CLDN10: variants seen among roughly 807,000 people sequenced by gnomAD.
The protein encoded by CLDN10 is claudin 10, also known as claudin-10.
A neutral mutation model predicts 22.9 loss-of-function variants in CLDN10; 15 were observed. That is an observed-to-expected ratio of 0.65 (90% CI 0.44 to 1.01). CLDN10 has a LOEUF of 1.01. Among genes scored for constraint, CLDN10 ranks in the 50% least tolerant of loss-of-function variants. CLDN10 has a pLI of 0.00. For synonymous variants in CLDN10, 114 were observed against 111.4 expected (o/e 1.02, Z -0.15); for missense variants, 247 against 287.8 (o/e 0.86, Z 1.03).
chr13:95,566,165 G>A (rs1180997843), intron 3 of CLDN10, among the ~76,000 whole-genome samples: 1 of 152,202 alleles, frequency 6.6e-6, no homozygotes, highest in African/African-American at 2.4e-5. Context: ...TCAGTCAAAT[G>A]CTATTTCTAG....
chr13:95,511,096 T>G (rs4771918), intron 1 of CLDN10, among the ~76,000 whole-genome samples: 67,125 of 152,066 alleles, frequency 0.44, 15,994 homozygotes, highest in East Asian at 0.6. Flanking sequence ...AGGGATCATT[T>G]TTTAAAGCTC....
intron 1 of CLDN10, among the ~76,000 whole-genome samples, chr13:95,541,209 GC>G (rs2043456909): frequency 1.3e-5 from 2 of 152,248 alleles, no homozygotes; most frequent in Admixed American, 6.5e-5. Flanking sequence ...GAACTCGTCT[GC>G]CTTTCCTTTC....
chr13:95,443,290 G>A (rs942264815), intron 1 of CLDN10, among the ~76,000 whole-genome samples: 6 of 152,312 alleles, frequency 3.9e-5, no homozygotes, highest in Admixed American at 1.3e-4. Flanking sequence ...TGATAATGAT[G>A]TTGTTGACAA....
At chr13:95,461,166 G>A (rs931761137) in intron 1 of CLDN10, among the ~76,000 whole-genome samples, 23 of 151,486 alleles carry the variant, frequency 1.5e-4, no homozygotes, top group East Asian at 9.8e-4. Flanking sequence ...TGCCCAGGCC[G>A]GTCTCAAACT....
chr13:95,500,399 G>C (rs1351162923), intron 1 of CLDN10, among the ~76,000 whole-genome samples: 2 of 152,204 alleles, frequency 1.3e-5, no homozygotes, highest in African/African-American at 4.8e-5. Context: ...ATCCAGGAAG[G>C]AGAGTGCGCC....
At chr13:95,464,737 T>C in intron 1 of CLDN10, among the ~76,000 whole-genome samples, 1 of 128,622 alleles carries the variant, frequency 7.8e-6, no homozygotes, top group East Asian at 2.4e-4. Context: ...ACTGTGTTTT[T>C]GCTTTTTTTT....
At chr13:95,550,745 A>C (rs886959830), upstream of CLDN10, among the ~76,000 whole-genome samples, 57 of 150,358 alleles carry the variant, frequency 3.8e-4, no homozygotes, top group South Asian at 6.4e-4. Context: ...AGAATAGAGG[A>C]TGCTTTGTAG....
In CLDN10 at chr13:95,574,074, TA is replaced by T. The variant is rs573234306; in HGVS notation, c.465-3156del. On this transcript the variant is annotated intron_variant, in intron 3 of 4. Transcript: ENST00000299339. ...TTCATACTTTTTTATGGCTGTATAG[TA>T]TTCCATGGTGTATATGTGCCACATT... 1.9e-3 allele frequency among the ~76,000 whole-genome samples: 282 copies of T among 152,344 alleles called. 1 individual carries two copies. Among genetic ancestry groups the T allele is most frequent in the Admixed American group, 2.7e-3 (41 of 15,304 alleles).
chr13:95,471,952 T>A (rs996206582), intron 1 of CLDN10, among the ~76,000 whole-genome samples: 3 of 116,334 alleles, frequency 2.6e-5, no homozygotes, highest in African/African-American at 9.1e-5. Flanking sequence ...TTTTTTTTTT[T>A]TTTTTTTTTT....
At chr13:95,502,965 G>A (rs2043001825) in intron 1 of CLDN10, among the ~76,000 whole-genome samples, 1 of 152,206 alleles carries the variant, frequency 6.6e-6, no homozygotes, top group Admixed American at 6.5e-5. Flanking sequence ...GAAAGGGATA[G>A]GAGTAAAACT....
At chr13:95,552,483 A>T (rs2043576684), upstream of CLDN10, among the ~76,000 whole-genome samples, 1 of 152,072 alleles carries the variant, frequency 6.6e-6, no homozygotes, top group Admixed American at 6.5e-5. Context: ...GGCTCAGGGG[A>T]GCGCAGGCCG....
chr13:95,455,901 C>T (rs954829862), intron 1 of CLDN10, among the ~76,000 whole-genome samples: 3 of 152,212 alleles, frequency 2.0e-5, no homozygotes, highest in African/African-American at 4.8e-5. Flanking sequence ...GTCACACTCC[C>T]TTACCAACCT....
chr13:95,551,830 G>A (rs1412009031), upstream of CLDN10, among the ~76,000 whole-genome samples: 1 of 152,156 alleles, frequency 6.6e-6, no homozygotes, highest in Admixed American at 6.5e-5. Flanking sequence ...AGCAATGAAG[G>A]GATGAAGGAA....
chr13:95,434,180 A>G (rs771399998), intron 1 of CLDN10: 41 of 739,580 alleles, frequency 5.5e-5, no homozygotes, highest in Middle Eastern at 2.4e-4. Context: ...AGATTTGCCT[A>G]GGAAGGATGG....
chr13:95,554,366 A>T (rs940112408), intron 1 of CLDN10, among the ~76,000 whole-genome samples: 1 of 152,076 alleles, frequency 6.6e-6, no homozygotes, highest in African/African-American at 2.4e-5. Flanking sequence ...CCAGATAGGT[A>T]CGCTTCCTTC....
At chr13:95,444,957 G>A (rs757821201) in intron 1 of CLDN10, among the ~76,000 whole-genome samples, 2 of 152,170 alleles carry the variant, frequency 1.3e-5, no homozygotes, top group Non-Finnish European at 2.9e-5. Context: ...TGTATTTTTA[G>A]TAGAGACAGC....
chr13:95,567,949 C>G (rs1013155038), intron 3 of CLDN10, among the ~76,000 whole-genome samples: 1 of 152,140 alleles, frequency 6.6e-6, no homozygotes, highest in African/African-American at 2.4e-5. Context: ...GAACAACTAC[C>G]TACTTTCAGT....
intron 1 of CLDN10, among the ~76,000 whole-genome samples, chr13:95,558,333 A>G (rs1173477631): frequency 6.6e-6 from 1 of 152,206 alleles, no homozygotes. Context: ...CAGCTGGTTC[A>G]GCATTTGGCA....
At chr13:95,495,959 C>T (rs929795340) in intron 1 of CLDN10, among the ~76,000 whole-genome samples, 2 of 152,172 alleles carry the variant, frequency 1.3e-5, no homozygotes, top group Admixed American at 1.3e-4. Context: ...CTCCTCCAGC[C>T]AGGACAGGCC....
Sources: allele counts gnomAD v4.1 joint callset (sites outside exome capture counted in the v4.1 genomes callset), GRCh38; gene constraint gnomAD v4.1.1; transcripts MANE v1.5; gene names NCBI Gene and HGNC (gene_info 2026-07-23, HGNC 2026-07-21).